The following GLRB variants were observed in gnomAD, a reference collection of about 807,000 sequenced individuals.
GLRB encodes the protein glycine receptor beta.
Under a neutral mutation model 54.2 loss-of-function variants are expected in GLRB, and 33 were observed. The observed-to-expected ratio is 0.61, with a 90% CI of 0.46 to 0.81. GLRB has a LOEUF of 0.81. Among genes scored for constraint, GLRB ranks in the 40% least tolerant of loss-of-function variants. GLRB has a pLI of 0.00. For synonymous variants in GLRB, 209 were observed against 208.2 expected (o/e 1.00, Z -0.03); for missense variants, 572 against 584.6 (o/e 0.98, Z 0.22).
intron 7 of GLRB, among the ~76,000 whole-genome samples, chr4:157,142,690 TA>T (rs1736661111): frequency 6.6e-6 from 1 of 152,148 alleles, no homozygotes; most frequent in African/African-American, 2.4e-5. Context: ...TAGGAAAAAG[TA>T]ACATTATTCT....
intron 8 of GLRB, among the ~76,000 whole-genome samples, chr4:157,150,238 A>T (rs959498829): frequency 2.0e-5 from 3 of 152,028 alleles, no homozygotes; most frequent in Admixed American, 1.3e-4. Context: ...CAGATTTCTT[A>T]TTTTTAGCTA....
chr4:157,086,395 T>C (rs1560933072), intron 2 of GLRB, among the ~76,000 whole-genome samples: 1 of 152,202 alleles, frequency 6.6e-6, no homozygotes, highest in South Asian at 2.1e-4. Flanking sequence ...AAATACAATG[T>C]TTAGAAATAA....
At chr4:157,118,680 A>AT (rs914548884) in intron 2 of GLRB, among the ~76,000 whole-genome samples, 1 of 151,424 alleles carries the variant, frequency 6.6e-6, no homozygotes, top group Non-Finnish European at 1.5e-5. Context: ...TATGTCATAC[A>AT]TTTTTTTCTG....
At chr4:157,084,038 G>A (rs1734320026) in intron 2 of GLRB, among the ~76,000 whole-genome samples, 1 of 152,072 alleles carries the variant, frequency 6.6e-6, no homozygotes. Flanking sequence ...CATCATATAT[G>A]AAACTAGAAC....
At chr4:157,077,641 A>G (rs547616711) in intron 1 of GLRB, among the ~76,000 whole-genome samples, 6 of 152,000 alleles carry the variant, frequency 3.9e-5, no homozygotes, top group African/African-American at 1.2e-4. Flanking sequence ...ATGCTTCCAG[A>G]TATCTTTCTG....
At chr4:157,157,472 T>A (rs1404238977) in intron 9 of GLRB, among the ~76,000 whole-genome samples, 1 of 152,170 alleles carries the variant, frequency 6.6e-6, no homozygotes, top group Non-Finnish European at 1.5e-5. Context: ...GTAGATCTCC[T>A]AATGCTATCC....
At chr4:157,160,587 G>A (rs1312828864) in intron 9 of GLRB, among the ~76,000 whole-genome samples, 1 of 151,802 alleles carries the variant, frequency 6.6e-6, no homozygotes, top group Non-Finnish European at 1.5e-5. Flanking sequence ...ATTTCGTTAT[G>A]TATCCAGTAG....
Position 157,098,677 on chromosome 4 carries a change from G to A in GLRB, c.122+20531G>A, listed in dbSNP as rs189823551. ...GGCTGGAGGGCAGTGGCATGATCTC[G>A]GCTCAGCAACCTCCACCTCCCTGGT... On this transcript the variant is annotated intron_variant, in intron 2 of 9. Coordinates refer to ENST00000264428, the MANE Select transcript of GLRB (RefSeq NM_000824.5). Among the ~76,000 whole-genome samples, 392 of 151,700 alleles carry A rather than the reference G, an allele frequency of 2.6e-3. 2 individuals are homozygous for A. Among genetic ancestry groups the A allele is most frequent in the Admixed American group, 4.0e-3 (61 of 15,222 alleles).
chr4:157,117,379 A>G (rs912889380), intron 2 of GLRB, among the ~76,000 whole-genome samples: 1 of 151,650 alleles, frequency 6.6e-6, no homozygotes, highest in Non-Finnish European at 1.5e-5. Flanking sequence ...TCTTCTACCA[A>G]TGTTTTTCTA....
intron 4 of GLRB, 55 bp from the exon 5 acceptor site, chr4:157,136,414 G>A (rs1018156706): frequency 1.1e-4 from 120 of 1,043,694 alleles, no homozygotes; most frequent in Admixed American, 1.8e-5. Context: ...GGCCGAATAA[G>A]TTCTTAAAAA....
intron 9 of GLRB, among the ~76,000 whole-genome samples, chr4:157,158,868 G>T (rs1579250507): frequency 6.8e-6 from 1 of 147,970 alleles, no homozygotes; most frequent in East Asian, 1.9e-4. Context: ...ATTCTATGAA[G>T]AAAGTCATTG....
At chr4:157,077,701 G>A (rs1466004086) in intron 1 of GLRB, among the ~76,000 whole-genome samples, 2 of 149,988 alleles carry the variant, frequency 1.3e-5, no homozygotes, top group South Asian at 2.2e-4. Context: ...ATAATTTTGT[G>A]TAGCTATAGA....
chr4:157,114,050 A>G (rs990974423), intron 2 of GLRB, among the ~76,000 whole-genome samples: 2 of 152,020 alleles, frequency 1.3e-5, no homozygotes, highest in East Asian at 3.9e-4. Context: ...AATTTAACTT[A>G]TTAGCTGAAT....
At chr4:157,132,986 A>G (rs1736271760) in intron 4 of GLRB, among the ~76,000 whole-genome samples, 1 of 151,710 alleles carries the variant, frequency 6.6e-6, no homozygotes, top group Admixed American at 6.6e-5. Flanking sequence ...CACCTAATGT[A>G]GTGCTTGATT....
intron 2 of GLRB, among the ~76,000 whole-genome samples, chr4:157,108,244 C>T (rs1420107797): frequency 2.0e-5 from 3 of 152,172 alleles, no homozygotes; most frequent in East Asian, 1.9e-4. Context: ...TTGACATTCA[C>T]GTTTTATTAT....
chr4:157,159,845 C>T (rs956253345), intron 9 of GLRB, among the ~76,000 whole-genome samples: 4 of 152,108 alleles, frequency 2.6e-5, no homozygotes, highest in Non-Finnish European at 5.9e-5. Context: ...ATGTTGGCCT[C>T]ATTAAATGAA....
chr4:157,132,693 G>C (rs948243211), intron 4 of GLRB, among the ~76,000 whole-genome samples: 10 of 151,852 alleles, frequency 6.6e-5, no homozygotes, highest in African/African-American at 2.4e-4. Flanking sequence ...ATCCCTCTCA[G>C]ATAGCTCAGA....
At chr4:157,143,339 A>G (rs1736685192) in intron 7 of GLRB, among the ~76,000 whole-genome samples, 2 of 151,978 alleles carry the variant, frequency 1.3e-5, no homozygotes, top group South Asian at 4.2e-4. Flanking sequence ...GTATACTGCC[A>G]TCCATCCTAG....
chr4:157,163,887 T>C (rs1245551628), intron 9 of GLRB, among the ~76,000 whole-genome samples: 1 of 149,564 alleles, frequency 6.7e-6, no homozygotes, highest in East Asian at 1.9e-4. Flanking sequence ...TTATTGAACT[T>C]AGCAGGAGGA....
Sources: allele counts gnomAD v4.1 joint callset (sites outside exome capture counted in the v4.1 genomes callset), GRCh38; gene constraint gnomAD v4.1.1; transcripts MANE v1.5; gene names NCBI Gene and HGNC (gene_info 2026-07-23, HGNC 2026-07-21).